Variants in ANKRD17 observed in about 807,000 individuals in gnomAD.
The protein encoded by ANKRD17 is ankyrin repeat domain-containing protein 17.
Under a neutral mutation model 229.7 loss-of-function variants are expected in ANKRD17, and 19 were observed. The ratio of observed to expected loss-of-function variants is 0.08; its 90% CI spans 0.06 to 0.12. The LOEUF (loss-of-function observed/expected upper bound fraction) is 0.12. Ranked by LOEUF, ANKRD17 falls within the 10% of genes least tolerant of loss-of-function variation. The pLI, the probability that ANKRD17 is intolerant of heterozygous loss-of-function variation, is 1.00. For synonymous variants in ANKRD17, 1,112 were observed against 1,146.1 expected, an observed-to-expected ratio of 0.97 and a Z score of 0.60; for missense variants, 2,176 against 3,176.8, an observed-to-expected ratio of 0.68 and a Z score of 7.57.
chr4:73,113,942 C>A, intron 23 of ANKRD17, 34 bp from the exon 24 acceptor site: 1 of 1,455,158 alleles, frequency 6.9e-7, no homozygotes. Flanking sequence ...TCCAGGCTCA[C>A]AGAACAATTC....
At chr4:73,085,127 TCCAG>T in intron 30 of ANKRD17, 118 bp downstream of exon 30, 1 of 1,100,120 alleles carries the variant, frequency 9.1e-7, no homozygotes. Context: ...TTTTTGAAAT[TCCAG>T]ACTTCTAAGA....
rs374509262 is a variant in ANKRD17, at chr4:73,158,057, C to A, written c.705-1891G>T. 1.5e-4 allele frequency among the ~76,000 whole-genome samples: 22 copies of A among 151,240 alleles called. No homozygotes were observed. The South Asian group carries it at 4.0e-3, about 27-fold the overall frequency. On this transcript the variant is annotated intron_variant, in intron 3 of 33. Transcript: ENST00000358602. ...AGTGAGCCAGGATCACACCACTGCACTCCAGTCTGTGTGACAGAGTGAGAC... is the reference window on the plus strand; with the variant it reads ...AGTGAGCCAGGATCACACCACTGCAATCCAGTCTGTGTGACAGAGTGAGAC...
At position 73,226,980 on chromosome 4, in the gene ANKRD17, C is replaced by T. The variant is rs111226494; in HGVS notation, c.393+31296G>A. 2.5e-3 allele frequency among the ~76,000 whole-genome samples: 384 copies of T among 152,252 alleles called. 2 individuals carry two copies. Among genetic ancestry groups the T allele is most frequent in the South Asian group, 0.016 (77 of 4,830 alleles). ...CAGAATCTAAATTTCAGATTTTCTG[C>T]AGTTATTTGTTACATAGCAAAATAA... On this transcript the variant is annotated intron_variant, in intron 1 of 33. Coordinates refer to ENST00000358602, the MANE Select transcript of ANKRD17 (RefSeq NM_032217.5).
intron 1 of ANKRD17, among the ~76,000 whole-genome samples, chr4:73,183,789 C>T (rs1282567062): frequency 1.3e-5 from 2 of 152,042 alleles, no homozygotes; most frequent in Non-Finnish European, 2.9e-5. Context: ...TTATACGAGT[C>T]TCTGTACTTT....
At chr4:73,185,187 TAATA>T (rs1445966339) in intron 1 of ANKRD17, among the ~76,000 whole-genome samples, 3 of 151,622 alleles carry the variant, frequency 2.0e-5, no homozygotes, top group Non-Finnish European at 4.4e-5. Context: ...GAAAAAATAA[TAATA>T]AATAAAAAAT....
chr4:73,113,664 T>C, intron 24 of ANKRD17, 128 bp downstream of exon 24: 2 of 805,742 alleles, frequency 2.5e-6, no homozygotes, highest in East Asian at 4.9e-5. Flanking sequence ...TTGAGCCAAA[T>C]GTAGAAAGAA....
At chr4:73,173,547 C>T (rs1734323454) in intron 2 of ANKRD17, among the ~76,000 whole-genome samples, 1 of 152,120 alleles carries the variant, frequency 6.6e-6, no homozygotes, top group Non-Finnish European at 1.5e-5. Flanking sequence ...AGGAACATTA[C>T]CAGGAAAACC....
At chr4:73,152,967 A>T (rs1489189232) in intron 6 of ANKRD17, among the ~76,000 whole-genome samples, 1 of 152,214 alleles carries the variant, frequency 6.6e-6, no homozygotes, top group African/African-American at 2.4e-5. Flanking sequence ...ATATATAAGG[A>T]TTATTTTCAT....
chr4:73,250,615 A>AAAAAAAAAC (rs1744925705), intron 1 of ANKRD17, among the ~76,000 whole-genome samples: 12 of 138,384 alleles, frequency 8.7e-5, no homozygotes, highest in Non-Finnish European at 1.9e-4. Context: ...AAAAAAAAAA[A>AAAAAAAAAC]CAGAAAAAAA....
chr4:73,115,350 G>T (rs1300253405), intron 23 of ANKRD17, among the ~76,000 whole-genome samples: 3 of 152,138 alleles, frequency 2.0e-5, no homozygotes, highest in African/African-American at 7.2e-5. Context: ...GAGTACAATG[G>T]CACACTCTTG....
chr4:73,157,473 T>A (rs139825251), intron 3 of ANKRD17, among the ~76,000 whole-genome samples: 1 of 152,164 alleles, frequency 6.6e-6, no homozygotes, highest in Admixed American at 6.5e-5. Flanking sequence ...ACAATTCCAA[T>A]TGTAGACATT....
At chr4:73,159,115 T>C (rs1211570861) in intron 3 of ANKRD17, among the ~76,000 whole-genome samples, 3 of 152,220 alleles carry the variant, frequency 2.0e-5, no homozygotes, top group African/African-American at 7.2e-5. Context: ...TATTGTCCCC[T>C]TACCAAAGTG....
intron 1 of ANKRD17, among the ~76,000 whole-genome samples, chr4:73,184,482 T>C (rs1367411957): frequency 2.4e-5 from 3 of 124,464 alleles, no homozygotes; most frequent in Admixed American, 1.1e-4. Flanking sequence ...TGAGCCAAGA[T>C]AGCGCCATTG....
In ANKRD17 at chr4:73,075,026, G is replaced by A. The variant is rs10092; in HGVS notation, c.*1205C>T. On this transcript the variant is annotated 3_prime_UTR_variant, in exon 34 of 34. Transcript: ENST00000358602. ...TATCTGTCTACCATAAATTGTCTTC[G>A]TGACAAATGCAGAATTTCTTTTATT... is the stretch of plus-strand genomic sequence containing the variant. 0.13 allele frequency: 20,400 copies of A among 152,352 alleles called. 1,768 individuals carry two copies. Among genetic ancestry groups the A allele is most frequent in the East Asian group, 0.27 (1,409 of 5,170 alleles). 9.4% of individuals were successfully genotyped at this position (152,352 alleles called of 1,614,324 possible).
chr4:73,081,679 G>C (rs1721580247), intron 30 of ANKRD17, among the ~76,000 whole-genome samples: 1 of 152,072 alleles, frequency 6.6e-6, no homozygotes, highest in Non-Finnish European at 1.5e-5. Context: ...ACCTTTTTTA[G>C]AAGAATGAAA....
At chr4:73,080,308 G>GA (rs1032014049) in intron 30 of ANKRD17, among the ~76,000 whole-genome samples, 1 of 151,718 alleles carries the variant, frequency 6.6e-6, no homozygotes, top group East Asian at 1.9e-4. Context: ...AAGCACTCCA[G>GA]AAAAAAAGCT....
chr4:73,132,243 G>A (rs1449872400), intron 16 of ANKRD17, among the ~76,000 whole-genome samples: 1 of 151,724 alleles, frequency 6.6e-6, no homozygotes, highest in Non-Finnish European at 1.5e-5. Flanking sequence ...CAAATAGGTG[G>A]GATTACAGGT....
chr4:73,127,629 C>T (rs1727645921), intron 16 of ANKRD17, among the ~76,000 whole-genome samples: 1 of 151,982 alleles, frequency 6.6e-6, no homozygotes, highest in Non-Finnish European at 1.5e-5. Context: ...TTTGTATTTT[C>T]TACCTGTAGT....
Position 73,156,078 on chromosome 4 carries a change from C to T in ANKRD17, c.793G>A (p.Glu265Lys). The part of the protein sequence containing the change: ...IEGRSVNEHT[E>K]EGESLLCLAC... The stretch of plus-strand genomic sequence containing the variant: ...AAACAAAGGAGGCTCTCCCCTTCCT[C>T]TGTGTGTTCATTTACACTTCGCCCT... The change falls in exon 4 of 34, where the codon GAG becomes AAG. Residue 265 changes from glutamate (E) to lysine (K), a missense_variant. Glu to Lys is a moderately conservative substitution (Grantham distance 56, BLOSUM62 1). This residue lies in a region of ANKRD17 where 184 missense variants were observed against 357.8 expected (regional missense o/e 0.51). Coordinates refer to ENST00000358602, the MANE Select transcript of ANKRD17 (RefSeq NM_032217.5). 1 of 1,613,742 alleles carries T rather than the reference C, an allele frequency of 6.2e-7. No homozygotes were observed. The highest frequency in any genetic ancestry group is 8.5e-7 in the Non-Finnish European group (1 of 1,179,932).
Sources: gnomAD v4.1 joint callset for allele counts (sites outside exome capture counted in the v4.1 genomes callset) on GRCh38, gnomAD v4.1.1 for gene constraint, gnomAD v4.1.1 regional missense constraint, MANE v1.5 for transcripts, NCBI Gene and HGNC (gene_info 2026-07-23, HGNC 2026-07-21) for gene names.